ADAM12: variants seen among roughly 807,000 people sequenced by gnomAD.
ADAM12 encodes ADAM metallopeptidase domain 12.
In ADAM12, 70 loss-of-function variants were observed where a neutral mutation model predicts 106.4. That is an observed-to-expected ratio of 0.66 (90% CI 0.54 to 0.80). The LOEUF (loss-of-function observed/expected upper bound fraction) is 0.80, where lower values mean the gene tolerates loss of function less well. Ranked by LOEUF, ADAM12 falls within the 30% of genes least tolerant of loss-of-function variation. The probability of loss-of-function intolerance (pLI) is 0.00; values close to 1 mark genes in which losing one functional copy is unlikely to be tolerated. For missense variants in ADAM12, 1,010 were observed against 1,171.9 expected (o/e 0.86, Z 2.02); for synonymous variants, 420 against 433.5 (o/e 0.97, Z 0.39).
intron 3 of ADAM12, among the ~76,000 whole-genome samples, chr10:126,237,265 G>C (rs1487051665): frequency 2.6e-5 from 4 of 152,116 alleles, no homozygotes; most frequent in Non-Finnish European, 5.9e-5. Flanking sequence ...TTGTGTGTTT[G>C]TTGGCCTGGC....
In ADAM12 at chr10:126,119,574, TA is replaced by T. The variant is rs553878602; in HGVS notation, c.417-1351del. 4.6e-5 allele frequency among the ~76,000 whole-genome samples: 7 copies of T among 152,322 alleles called. No homozygotes were observed. In the South Asian group the frequency reaches 1.0e-3, roughly 23 times the overall value. On this transcript the variant is annotated intron_variant, in intron 5 of 22. Coordinates refer to ENST00000448723, the MANE Select transcript of ADAM12 (RefSeq NM_001288973.2). ...GGCTCTGTGATATAAAATATAGCAT[TA>T]AAAATATAAATACATTTCTGGGAAT...
intron 1 of ADAM12, among the ~76,000 whole-genome samples, chr10:126,356,166 C>T (rs1289960686): frequency 6.6e-6 from 1 of 152,210 alleles, no homozygotes; most frequent in Non-Finnish European, 1.5e-5. Flanking sequence ...CCCATCCTTC[C>T]TGAGCAATGA....
At chr10:126,178,553 T>C (rs1322343273) in intron 3 of ADAM12, among the ~76,000 whole-genome samples, 1 of 152,120 alleles carries the variant, frequency 6.6e-6, no homozygotes, top group African/African-American at 2.4e-5. Context: ...TAATTGTTTA[T>C]TTCTTACTCT....
chr10:126,031,973 AC>A (rs1953979925), intron 21 of ADAM12, among the ~76,000 whole-genome samples: 1 of 152,180 alleles, frequency 6.6e-6, no homozygotes, highest in Non-Finnish European at 1.5e-5. Context: ...GGGTCCTTTT[AC>A]CATGAAGGAA....
intron 2 of ADAM12, among the ~76,000 whole-genome samples, chr10:126,287,914 C>T (rs770521146): frequency 5.9e-5 from 9 of 152,040 alleles, no homozygotes; most frequent in Non-Finnish European, 1.2e-4. Flanking sequence ...TGTCAGCGTG[C>T]TCCACATTAC....
chr10:126,081,800 T>A (rs1225765047), intron 11 of ADAM12, among the ~76,000 whole-genome samples: 1 of 152,238 alleles, frequency 6.6e-6, no homozygotes, highest in Non-Finnish European at 1.5e-5. Flanking sequence ...GCAAAAGATG[T>A]GTCTTTCTTT....
At chr10:126,200,198 C>G (rs999899959) in intron 3 of ADAM12, among the ~76,000 whole-genome samples, 3 of 152,096 alleles carry the variant, frequency 2.0e-5, no homozygotes, top group Non-Finnish European at 4.4e-5. Flanking sequence ...GCAGCTCACA[C>G]GGGGACTGGA....
chr10:126,073,680 G>C (rs902708628), intron 11 of ADAM12, among the ~76,000 whole-genome samples: 1 of 151,996 alleles, frequency 6.6e-6, no homozygotes, highest in Non-Finnish European at 1.5e-5. Context: ...TATCAACCTC[G>C]GGCTATTAAC....
At chr10:126,125,574 C>T (rs1054615197) in intron 5 of ADAM12, among the ~76,000 whole-genome samples, 1 of 151,946 alleles carries the variant, frequency 6.6e-6, no homozygotes, top group African/African-American at 2.4e-5. Context: ...ATATTTACAG[C>T]AATCCTGTAA....
At chr10:126,351,120 G>A (rs1482751056) in intron 1 of ADAM12, among the ~76,000 whole-genome samples, 1 of 152,196 alleles carries the variant, frequency 6.6e-6, no homozygotes, top group Non-Finnish European at 1.5e-5. Context: ...CACGGGCAGT[G>A]CCCTCAGCCC....
intron 4 of ADAM12, among the ~76,000 whole-genome samples, chr10:126,148,100 A>C (rs961593837): frequency 6.6e-6 from 1 of 151,942 alleles, no homozygotes; most frequent in Non-Finnish European, 1.5e-5. Context: ...GCAAAGGATA[A>C]AGCCACAAAT....
rs57040371 is a variant in ADAM12, at chr10:126,026,458, C to G, written c.2530-6633G>C. Among the ~76,000 whole-genome samples, 1,122 of 152,218 alleles carry G rather than the reference C, an allele frequency of 7.4e-3. 13 individuals are homozygous for G. Among genetic ancestry groups the G allele is most frequent in the African/African-American group, 0.023 (961 of 41,524 alleles). ...TTATACAACTACAGAACTGTCCACC[C>G]AAAACCAACAATCTACATTCTTATT... On this transcript the variant is annotated intron_variant, in intron 21 of 22. Coordinates refer to ENST00000448723, the MANE Select transcript of ADAM12 (RefSeq NM_001288973.2).
chr10:126,263,056 T>A (rs975538624), intron 3 of ADAM12, among the ~76,000 whole-genome samples: 12 of 152,206 alleles, frequency 7.9e-5, no homozygotes, highest in African/African-American at 2.9e-4. Context: ...TCGCTCAGGG[T>A]TTCCTGGTTC....
At chr10:126,372,037 G>A (rs1856129288) in intron 1 of ADAM12, among the ~76,000 whole-genome samples, 1 of 152,204 alleles carries the variant, frequency 6.6e-6, no homozygotes, top group Non-Finnish European at 1.5e-5. Context: ...GGTTAACAGA[G>A]ATGCCCCTAA....
At chr10:126,321,204 C>T (rs959082418) in intron 2 of ADAM12, among the ~76,000 whole-genome samples, 7 of 152,148 alleles carry the variant, frequency 4.6e-5, no homozygotes, top group African/African-American at 1.7e-4. Context: ...AAGCATTACT[C>T]AGGATTACAA....
chr10:126,237,106 T>C (rs1958433771), intron 3 of ADAM12, among the ~76,000 whole-genome samples: 1 of 152,172 alleles, frequency 6.6e-6, no homozygotes, highest in African/African-American at 2.4e-5. Context: ...AATTAACATG[T>C]TTTCTAGCAC....
intron 1 of ADAM12, among the ~76,000 whole-genome samples, chr10:126,350,271 A>G (rs1008732911): frequency 6.6e-6 from 1 of 152,210 alleles, no homozygotes; most frequent in African/African-American, 2.4e-5. Flanking sequence ...GAAATTGTCA[A>G]ATTGATTTTC....
intron 9 of ADAM12, among the ~76,000 whole-genome samples, chr10:126,098,965 C>T (rs1354643108): frequency 6.6e-6 from 1 of 152,188 alleles, no homozygotes; most frequent in African/African-American, 2.4e-5. Context: ...CAAATTGTCC[C>T]GCTAAGATAG....
At chr10:126,173,979 C>CAT (rs1251006836) in intron 3 of ADAM12, among the ~76,000 whole-genome samples, 123 of 146,622 alleles carry the variant, frequency 8.4e-4, no homozygotes, top group African/African-American at 3.0e-3. Context: ...TATGCCTATA[C>CAT]ACCTTTTATC....
Sources: allele counts gnomAD v4.1 joint callset (sites outside exome capture counted in the v4.1 genomes callset), GRCh38; gene constraint gnomAD v4.1.1; transcripts MANE v1.5; gene names NCBI Gene and HGNC (gene_info 2026-07-23, HGNC 2026-07-21).